The following EPHA3 variants were observed in gnomAD, a reference collection of about 807,000 sequenced individuals.
EPHA3 encodes EPH receptor A3.
EPHA3 carries 42 observed loss-of-function variants against 107.1 expected under a neutral mutation model. The observed-to-expected ratio is 0.39, with a 90% CI of 0.31 to 0.51. The LOEUF (loss-of-function observed/expected upper bound fraction) is 0.51. Among genes scored for constraint, EPHA3 ranks in the 20% least tolerant of loss-of-function variants. The probability of loss-of-function intolerance (pLI) is 0.78; values close to 1 mark genes in which losing one functional copy is unlikely to be tolerated. For synonymous variants in EPHA3, 461 were observed against 424.8 expected (o/e 1.09, Z -1.05); for missense variants, 1,183 against 1,211.2 (o/e 0.98, Z 0.35).
chr3:89,261,502 C>T (rs886897562), intron 3 of EPHA3, among the ~76,000 whole-genome samples: 1 of 152,110 alleles, frequency 6.6e-6, no homozygotes, highest in African/African-American at 2.4e-5. Context: ...TGTGCATTGT[C>T]TCTTTTCCAA....
intron 3 of EPHA3, among the ~76,000 whole-genome samples, chr3:89,217,085 T>TAA (rs1704238178): frequency 6.6e-6 from 1 of 152,164 alleles, no homozygotes; most frequent in African/African-American, 2.4e-5. Context: ...TGTCTGTGTT[T>TAA]AGAGTTTTGA....
intron 12 of EPHA3, 50 bp from the exon 13 acceptor site, chr3:89,431,100 C>A (rs774308193): frequency 1.3e-6 from 2 of 1,563,296 alleles, no homozygotes; most frequent in South Asian, 1.1e-5. Flanking sequence ...AAAGATATAT[C>A]TTTAAGAAAT....
chr3:89,178,927 AAGG>A (rs1292158624), intron 2 of EPHA3, among the ~76,000 whole-genome samples: 1 of 151,840 alleles, frequency 6.6e-6, no homozygotes, highest in Admixed American at 6.6e-5. Flanking sequence ...AAATCATAAT[AAGG>A]TAGTCAAAGT....
At chr3:89,431,593 C>G (rs766365199) in intron 13 of EPHA3, among the ~76,000 whole-genome samples, 7 of 151,996 alleles carry the variant, frequency 4.6e-5, no homozygotes, top group Non-Finnish European at 8.8e-5. Flanking sequence ...TGTTCCCCAC[C>G]AAAAGCAGCA....
At chr3:89,351,488 G>A (rs1433509824) in intron 5 of EPHA3, among the ~76,000 whole-genome samples, 4 of 149,568 alleles carry the variant, frequency 2.7e-5, no homozygotes, top group Admixed American at 2.0e-4. Context: ...CGCACGGTGC[G>A]CGCACCCACT....
intron 5 of EPHA3, among the ~76,000 whole-genome samples, chr3:89,371,994 C>T (rs1708314809): frequency 6.7e-6 from 1 of 149,868 alleles, no homozygotes; most frequent in South Asian, 2.1e-4. Flanking sequence ...TATCTAAAAG[C>T]TTTCTTCAAT....
chr3:89,401,027 T>C (rs1450761514), intron 7 of EPHA3, among the ~76,000 whole-genome samples: 1 of 152,146 alleles, frequency 6.6e-6, no homozygotes, highest in African/African-American at 2.4e-5. Flanking sequence ...ATTTTCTAGA[T>C]AGTTAGTTCC....
intron 2 of EPHA3, among the ~76,000 whole-genome samples, chr3:89,204,705 G>A (rs1483453286): frequency 6.7e-6 from 1 of 150,204 alleles, no homozygotes; most frequent in Admixed American, 6.7e-5. Context: ...GATTTTTGTA[G>A]ATATATTTGT....
intron 13 of EPHA3, among the ~76,000 whole-genome samples, chr3:89,433,164 T>C (rs1165117342): frequency 2.0e-5 from 3 of 152,138 alleles, no homozygotes; most frequent in African/African-American, 7.2e-5. Context: ...CCAATTGTCT[T>C]TGCTGTAGTT....
intron 5 of EPHA3, among the ~76,000 whole-genome samples, chr3:89,352,130 C>A (rs1284953633): frequency 2.6e-5 from 4 of 151,082 alleles, no homozygotes; most frequent in African/African-American, 9.7e-5. Flanking sequence ...AGGAAAAGAT[C>A]TTTGAGGCTG....
chr3:89,454,588 G>A (rs1307480837), intron 15 of EPHA3, among the ~76,000 whole-genome samples: 2 of 152,022 alleles, frequency 1.3e-5, no homozygotes, highest in African/African-American at 4.8e-5. Flanking sequence ...TTTTTGCACA[G>A]CCTCCAGAAT....
chr3:89,375,464 G>A (rs1252305436), intron 5 of EPHA3, among the ~76,000 whole-genome samples: 2 of 151,628 alleles, frequency 1.3e-5, no homozygotes, highest in Non-Finnish European at 2.9e-5. Flanking sequence ...TGGGAAACTG[G>A]AGCTTAATCC....
chr3:89,155,648 C>T (rs1451829918), intron 2 of EPHA3, among the ~76,000 whole-genome samples: 2 of 151,930 alleles, frequency 1.3e-5, no homozygotes, highest in Non-Finnish European at 2.9e-5. Flanking sequence ...TTTATAAAAG[C>T]TAAAAAGTAA....
chr3:89,284,544 T>C (rs1706031497), intron 3 of EPHA3, among the ~76,000 whole-genome samples: 1 of 152,188 alleles, frequency 6.6e-6, no homozygotes, highest in Admixed American at 6.6e-5. Context: ...TTCCTCTATG[T>C]AGAAAATAAC....
chr3:89,430,487 G>A lies in EPHA3; in HGVS notation c.2137-663G>A, dbSNP rs199522348. On this transcript the variant is annotated intron_variant, in intron 12 of 16. Coordinates refer to ENST00000336596, the MANE Select transcript of EPHA3 (RefSeq NM_005233.6). ...TGATAAATATTCTTTCAAAATTATCGTTTGTAATTAAACATGGAATTTTAT... is the reference window on the plus strand; with the variant it reads ...TGATAAATATTCTTTCAAAATTATCATTTGTAATTAAACATGGAATTTTAT... Among the ~76,000 whole-genome samples, 3 of 151,792 alleles carry A rather than the reference G, an allele frequency of 2.0e-5. No individual in the cohort carries two copies. In the East Asian group the frequency reaches 5.8e-4, roughly 29 times the overall value.
At chr3:89,383,840 G>T (rs189966129) in intron 5 of EPHA3, among the ~76,000 whole-genome samples, 1 of 151,484 alleles carries the variant, frequency 6.6e-6, no homozygotes, top group Non-Finnish European at 1.5e-5. Context: ...AGTAGAGATG[G>T]GGTTTCACTA....
intron 13 of EPHA3, among the ~76,000 whole-genome samples, chr3:89,443,379 C>T (rs912113224): frequency 2.6e-5 from 4 of 152,120 alleles, no homozygotes; most frequent in Middle Eastern, 3.4e-3. Flanking sequence ...TACTAACTAT[C>T]GTTGTGGAGT....
At chr3:89,217,877 T>C (rs567624793) in intron 3 of EPHA3, among the ~76,000 whole-genome samples, 26 of 152,320 alleles carry the variant, frequency 1.7e-4, no homozygotes, top group African/African-American at 6.3e-4. Flanking sequence ...TAAAGTTTTA[T>C]GAAACTGAGA....
At chr3:89,345,378 G>A (rs1310679080) in intron 5 of EPHA3, among the ~76,000 whole-genome samples, 1 of 151,188 alleles carries the variant, frequency 6.6e-6, no homozygotes, top group Non-Finnish European at 1.5e-5. Flanking sequence ...TTCAGCATGT[G>A]TATGTACAAT....
Sources: gnomAD v4.1 joint callset for allele counts (sites outside exome capture counted in the v4.1 genomes callset) on GRCh38, gnomAD v4.1.1 for gene constraint, MANE v1.5 for transcripts, NCBI Gene and HGNC (gene_info 2026-07-23, HGNC 2026-07-21) for gene names.